The following SMYD4 variants were observed in gnomAD, a reference collection of about 807,000 sequenced individuals.
SMYD4 encodes the protein SET and MYND domain containing 4.
SMYD4 carries 68 observed loss-of-function variants against 72.8 expected under a neutral mutation model. The observed-to-expected ratio is 0.93, with a 90% CI of 0.77 to 1.14. SMYD4 has a LOEUF of 1.14. Ranked by LOEUF, SMYD4 falls within the 50% of genes most tolerant of loss-of-function variation. The probability of loss-of-function intolerance (pLI) is 0.00; values close to 1 mark genes in which losing one functional copy is unlikely to be tolerated. For missense variants in SMYD4, 984 were observed against 1,003.7 expected (o/e 0.98, Z 0.27); for synonymous variants, 407 against 388.6 (o/e 1.05, Z -0.56).
chr17:1,809,353 CATTATT>C (rs1361098376), intron 3 of SMYD4, among the ~76,000 whole-genome samples: 2 of 148,188 alleles, frequency 1.3e-5, no homozygotes, highest in African/African-American at 4.8e-5. Context: ...GTCATTTATA[CATTATT>C]ATTATTGTTA....
chr17:1,817,951 G>A lies in SMYD4; in HGVS notation c.135-5836C>T, dbSNP rs574837779. Among the ~76,000 whole-genome samples the A allele has an allele frequency of 2.0e-4, 30 of 151,534 alleles. 1 individual carries two copies. The East Asian group carries it at 5.5e-3, about 28-fold the overall frequency. On this transcript the variant is annotated intron_variant, in intron 2 of 10. Transcript: ENST00000305513. Reference sequence around the variant, plus strand: ...AGTCCCAGCTACTCGGGAGGCTGAGGCAGGAGAATGGCGTGAACCCGGGAG... The same window carrying A: ...AGTCCCAGCTACTCGGGAGGCTGAGACAGGAGAATGGCGTGAACCCGGGAG...
At position 1,807,840 on chromosome 17, in the gene SMYD4, C is replaced by T. The variant is rs569288834; in HGVS notation, c.280-3125G>A. ...GAGTATGCTCTGGAAATATACTCAA[C>T]AGTGCTAGTTTATGGGAACAGAAAA... On this transcript the variant is annotated intron_variant, in intron 3 of 10. Transcript: ENST00000305513. 2.0e-5 allele frequency among the ~76,000 whole-genome samples: 3 copies of T among 152,266 alleles called. No homozygotes were observed. In the South Asian group the frequency reaches 6.2e-4, roughly 32 times the overall value.
In SMYD4 at chr17:1,787,470, G is replaced by T; in HGVS notation, c.1672C>A (p.Arg558=). Residue 558 remains arginine (R), a synonymous_variant, in exon 6 of 11, where the codon CGG becomes AGG. Transcript: ENST00000305513. ...CCCTTTCTAATCCGCTGTGACGCCC[G>T]GATGGTGGCGACAGTGCTAATGAAG... ...VSFISTVATI[R]ASQRIRKGQE... The T allele has an allele frequency of 6.4e-7, 1 of 1,566,940 alleles. No individual in the cohort carries two copies. Among genetic ancestry groups the T allele is most frequent in the East Asian group, 2.3e-5 (1 of 42,588 alleles).
At chr17:1,821,068 A>C (rs922375994) in intron 2 of SMYD4, among the ~76,000 whole-genome samples, 4 of 152,200 alleles carry the variant, frequency 2.6e-5, no homozygotes, top group Non-Finnish European at 4.4e-5. Flanking sequence ...GGGAAACGAG[A>C]GCAGTACAAG....
rs148384457 is a variant in SMYD4 at position 1,783,139 on chromosome 17, G to C, written c.2157C>G (p.Ala719=). 6.2e-7 allele frequency: 1 copy of C among 1,614,134 alleles called. No individual in the cohort carries two copies. The highest frequency in any genetic ancestry group is 1.3e-5 in the African/African-American group (1 of 75,028). Reference sequence around the variant, plus strand: ...CGTAGAGACTCCTCTGTAGATGGGTGGCTGACTTTTGCCAGTCTCCTGTGA... The same window carrying C: ...CGTAGAGACTCCTCTGTAGATGGGTCGCTGACTTTTGCCAGTCTCCTGTGA... ...CAALGDWQKS[A]THLQRSLYVV... The change falls in exon 10 of 11, where the codon GCC becomes GCG. Residue 719 remains alanine, a synonymous_variant. Coordinates refer to ENST00000305513, the MANE Select transcript of SMYD4 (RefSeq NM_052928.3).
At chr17:1,790,407 T>C (rs1908957062) in intron 5 of SMYD4, among the ~76,000 whole-genome samples, 1 of 152,218 alleles carries the variant, frequency 6.6e-6, no homozygotes, top group Non-Finnish European at 1.5e-5. Context: ...AAAGTGAGAA[T>C]ATGTATGTAG....
rs1294542207 is a variant in SMYD4 at position 1,796,427 on chromosome 17, CG to C, written c.1537+3429del. ...CTGAGGTTAAAGGTGTGAGCCACTG[CG>C]GCTGGCTTCAGGTATTCTTTTTTTT... On this transcript the variant is annotated intron_variant, in intron 5 of 10. Coordinates refer to ENST00000305513, the MANE Select transcript of SMYD4 (RefSeq NM_052928.3). Among the ~76,000 whole-genome samples the C allele has an allele frequency of 2.7e-5, 4 of 150,530 alleles. No individual in the cohort carries two copies. The East Asian group carries it at 7.8e-4, about 29-fold the overall frequency.
rs112084479 is a variant in SMYD4, at chr17:1,809,300, G to A, written c.279+2671C>T. On this transcript the variant is annotated intron_variant, in intron 3 of 10. Transcript: ENST00000305513. ...AAAGCTACGGAAGGAAGTTGCTCAG[G>A]GGATCTTGTTCCAGTTCTTACTATG... 5.9e-5 allele frequency among the ~76,000 whole-genome samples: 9 copies of A among 152,124 alleles called. 1 individual carries two copies. Among genetic ancestry groups the A allele is most frequent in the African/African-American group, 2.2e-4 (9 of 41,508 alleles).
chr17:1,802,980 C>T lies in SMYD4; in HGVS notation c.369+1646G>A, dbSNP rs371099572. 1.0e-3 allele frequency among the ~76,000 whole-genome samples: 157 copies of T among 152,232 alleles called. 1 individual carries two copies. Among genetic ancestry groups the T allele is most frequent in the Non-Finnish European group, 1.9e-3 (130 of 68,010 alleles). Reference sequence around the variant, plus strand: ...CAGCCTGACCAACATGGTGAAACGCCATCTCTACTTAAAATTAGCCGGGCG... The same window carrying T: ...CAGCCTGACCAACATGGTGAAACGCTATCTCTACTTAAAATTAGCCGGGCG... On this transcript the variant is annotated intron_variant, in intron 4 of 10. Coordinates refer to ENST00000305513, the MANE Select transcript of SMYD4 (RefSeq NM_052928.3).
At chr17:1,823,753 C>T (rs1341105004) in intron 2 of SMYD4, among the ~76,000 whole-genome samples, 1 of 152,132 alleles carries the variant, frequency 6.6e-6, no homozygotes, top group African/African-American at 2.4e-5. Context: ...TTCAGTTGAC[C>T]TGAGCCCCAC....
chr17:1,798,896 C>CAA (rs11456527), intron 5 of SMYD4, among the ~76,000 whole-genome samples: 38 of 148,218 alleles, frequency 2.6e-4, no homozygotes, highest in South Asian at 4.3e-4. Flanking sequence ...GACTCTGTCT[C>CAA]AAAAAAAAAA....
At chr17:1,801,247 CT>C in intron 4 of SMYD4, among the ~76,000 whole-genome samples, 1 of 63,270 alleles carries the variant, frequency 1.6e-5, no homozygotes. Context: ...TAAATTTTTT[CT>C]TTTTTTTTGA....
chr17:1,804,597 C>A, intron 4 of SMYD4, 29 bp downstream of exon 4: 2 of 1,603,676 alleles, frequency 1.2e-6, no homozygotes, highest in Non-Finnish European at 1.7e-6. Flanking sequence ...CGGATCCTGT[C>A]CTCTCATACC....
chr17:1,805,745 G>C (rs959387827), intron 3 of SMYD4, among the ~76,000 whole-genome samples: 11 of 151,768 alleles, frequency 7.2e-5, no homozygotes, highest in Admixed American at 5.9e-4. Flanking sequence ...TCAGGAAGCA[G>C]AGGTTGCAGG....
At chr17:1,809,223 A>G (rs1257336222) in intron 3 of SMYD4, among the ~76,000 whole-genome samples, 1 of 151,986 alleles carries the variant, frequency 6.6e-6, no homozygotes, top group African/African-American at 2.4e-5. Flanking sequence ...AGGTCACAGA[A>G]CTGGTGCAAG....
intron 3 of SMYD4, among the ~76,000 whole-genome samples, chr17:1,808,105 C>G (rs1478096896): frequency 1.3e-5 from 2 of 152,168 alleles, no homozygotes; most frequent in African/African-American, 4.8e-5. Context: ...TTAAAAAATA[C>G]ATTCCTTCTG....
chr17:1,816,665 C>A, intron 2 of SMYD4, among the ~76,000 whole-genome samples: 1 of 151,532 alleles, frequency 6.6e-6, no homozygotes, highest in Middle Eastern at 3.4e-3. Flanking sequence ...CTCCCTTTGT[C>A]GCCCAGGCTG....
Position 1,800,315 on chromosome 17 carries a change from A to T in SMYD4, c.1079T>A (p.Phe360Tyr), listed in dbSNP as rs752553847. 25 of 1,613,988 alleles carry T rather than the reference A, an allele frequency of 1.5e-5. No individual in the cohort carries two copies. In the Admixed American group the frequency reaches 4.2e-4, roughly 27 times the overall value. The change falls in exon 5 of 11, where the codon TTT becomes TAT. Residue 360 changes from phenylalanine (F) to tyrosine (Y), a missense_variant. Phe to Tyr is a conservative substitution (Grantham distance 22). Transcript: ENST00000305513. ...IALRLTLLVG[F>Y]EDVRKIITKL... ...CGTTATGATTTTGCGAACATCCTCA[A>T]ATCCCACCAAAAGAGTCAACCTCAG...
In SMYD4 at chr17:1,789,069, G is replaced by A. The variant is rs141725840; in HGVS notation, c.1538-1465C>T. Among the ~76,000 whole-genome samples, 32 of 152,206 alleles carry A rather than the reference G, an allele frequency of 2.1e-4. No individual in the cohort carries two copies. The East Asian group carries it at 4.2e-3, about 20-fold the overall frequency. ...ACCATCAAATAACTGTGATATCACCGAATATATGCCAGGAATCTCAAAAAA... is the reference window on the plus strand; with the variant it reads ...ACCATCAAATAACTGTGATATCACCAAATATATGCCAGGAATCTCAAAAAA... On this transcript the variant is annotated intron_variant, in intron 5 of 10. Transcript: ENST00000305513.
Sources: allele counts gnomAD v4.1 joint callset (sites outside exome capture counted in the v4.1 genomes callset), GRCh38; gene constraint gnomAD v4.1.1; transcripts MANE v1.5; gene names NCBI Gene and HGNC (gene_info 2026-07-23, HGNC 2026-07-21).